Variants in DNMT3B observed in about 807,000 individuals in gnomAD.
DNMT3B encodes the protein DNA methyltransferase 3 beta.
In DNMT3B, 37 loss-of-function variants were observed where a neutral mutation model predicts 120.2. The ratio of observed to expected loss-of-function variants is 0.31; its 90% CI spans 0.24 to 0.40. The LOEUF is 0.40. DNMT3B is among the 10% of genes least tolerant of loss of function. DNMT3B has a pLI of 1.00. For missense variants in DNMT3B, 878 were observed against 1,137.3 expected (o/e 0.77, Z 3.28); for synonymous variants, 412 against 442.8 (o/e 0.93, Z 0.87).
At chr20:32,766,891 AATT>A (rs1293493611) in intron 1 of DNMT3B, among the ~76,000 whole-genome samples, 5 of 142,506 alleles carry the variant, frequency 3.5e-5, no homozygotes, top group African/African-American at 1.1e-4. Flanking sequence ...ATTTTTTTTT[AATT>A]ATTTTTATTT....
chr20:32,801,537 G>A, intron 19 of DNMT3B, 111 bp downstream of exon 19: 1 of 1,444,382 alleles, frequency 6.9e-7, no homozygotes, highest in Admixed American at 1.8e-5. Context: ...TCCCGTTCTT[G>A]GTCTGGCTAG....
In DNMT3B at chr20:32,806,257, G is replaced by A; in HGVS notation, c.2350G>A (p.Gly784Arg). The A allele has an allele frequency of 6.2e-7, 1 of 1,614,144 alleles. No individual in the cohort carries two copies. Among genetic ancestry groups the A allele is most frequent in the Non-Finnish European group, 8.5e-7 (1 of 1,180,024 alleles). Residue 784 changes from glycine to arginine, a missense_variant, in exon 22 of 23, where the codon GGG (glycine) becomes AGG (arginine). By Grantham distance (125) the Gly-to-Arg change is moderately radical (BLOSUM62 -2). Around this residue, in one of 4 missense-constraint regions of DNMT3B, gnomAD observed 334 missense variants for 518.8 expected, o/e 0.64. Coordinates refer to ENST00000328111, the MANE Select transcript of DNMT3B (RefSeq NM_006892.4). ...CACCAAGTCGAACTCGATCAAACAG[G>A]GGAAAAACCAACTTTTCCCTGTTGT... ...ITTKSNSIKQ[G>R]KNQLFPVVMN...
intron 1 of DNMT3B, among the ~76,000 whole-genome samples, chr20:32,762,923 G>T (rs1229946344): frequency 6.6e-6 from 1 of 152,070 alleles, no homozygotes; most frequent in East Asian, 1.9e-4. Context: ...GGACGCGGGG[G>T]ACATACGTCT....
intron 4 of DNMT3B, 117 bp from the exon 5 acceptor site, chr20:32,786,385 G>C: frequency 3.5e-6 from 5 of 1,437,464 alleles, no homozygotes; most frequent in South Asian, 1.2e-5. Flanking sequence ...ACTTCCAGTT[G>C]TCCTGAAGCT....
intron 11 of DNMT3B, 55 bp downstream of exon 11, chr20:32,795,589 C>G: frequency 6.2e-7 from 1 of 1,614,170 alleles, no homozygotes; most frequent in South Asian, 1.1e-5. Context: ...CGCTGCAGAT[C>G]AGGAATTGAT....
intron 3 of DNMT3B, among the ~76,000 whole-genome samples, chr20:32,782,219 G>A (rs566186436): frequency 6.6e-6 from 1 of 152,276 alleles, no homozygotes; most frequent in Admixed American, 6.5e-5. Context: ...ATTTGTAGGT[G>A]GAAGACATGA....
At chr20:32,777,580 C>G (rs1448599237) in intron 1 of DNMT3B, among the ~76,000 whole-genome samples, 1 of 152,190 alleles carries the variant, frequency 6.6e-6, no homozygotes. Flanking sequence ...GTCCTCCCCC[C>G]AGAGCACTTT....
At chr20:32,800,779 C>T in intron 17 of DNMT3B, 56 bp from the exon 18 acceptor site, 2 of 1,580,864 alleles carry the variant, frequency 1.3e-6, no homozygotes, top group Admixed American at 1.7e-5. Context: ...AGAAGTGGGT[C>T]CAGCTCTCTT....
At position 32,787,392 on chromosome 20, in the gene DNMT3B, G is replaced by T; in HGVS notation, c.595G>T (p.Gly199Cys). The change falls in exon 6 of 23, where the codon GGC (glycine) becomes TGC (cysteine). Residue 199 changes from glycine to cysteine, a missense_variant. By Grantham distance (159) the Gly-to-Cys change is radical. Coordinates refer to ENST00000328111, the MANE Select transcript of DNMT3B (RefSeq NM_006892.4). ...CCTAGCCCAGGACAGCCAGCAGGGG[G>T]GCATGGAGTCCCCGCAGGTGGAGGC... ...ARLAQDSQQG[G>C]MESPQVEADS... The T allele has an allele frequency of 6.2e-7, 1 of 1,614,214 alleles. No homozygotes were observed. Among genetic ancestry groups the T allele is most frequent in the East Asian group, 2.2e-5 (1 of 44,878 alleles).
chr20:32,781,846 G>A (rs952056968), intron 3 of DNMT3B, among the ~76,000 whole-genome samples: 2 of 152,210 alleles, frequency 1.3e-5, no homozygotes, highest in African/African-American at 4.8e-5. Flanking sequence ...CTACCTGCCT[G>A]TTAGTCACTT....
intron 22 of DNMT3B, 125 bp from the exon 23 acceptor site, chr20:32,807,637 C>G: frequency 2.1e-6 from 3 of 1,434,020 alleles, no homozygotes; most frequent in Non-Finnish European, 1.9e-6. Flanking sequence ...AATTTAGGTC[C>G]TTGGGGACCT....
rs751741367 is a variant in DNMT3B at position 32,780,448 on chromosome 20, G to A, written c.125G>A (p.Arg42His). 3.3e-5 allele frequency: 54 copies of A among 1,612,924 alleles called. No individual in the cohort carries two copies. Among genetic ancestry groups the A allele is most frequent in the Non-Finnish European group, 4.3e-5 (51 of 1,179,982 alleles). The change falls in exon 2 of 23, where the codon CGC becomes CAC. Residue 42 changes from arginine to histidine, a missense_variant. Arg to His is a conservative substitution (Grantham distance 29). Transcript: ENST00000328111. ...TCGCCCCCAATCCTGGAGGCTATCC[G>A]CACCCCGGAGATCAGAGGTGGCTGG... Reference protein sequence around the residue: ...SDSPPILEAIRTPEIRGRRSS... With the variant: ...SDSPPILEAIHTPEIRGRRSS...
At chr20:32,779,296 T>C (rs536001122) in intron 1 of DNMT3B, among the ~76,000 whole-genome samples, 1 of 152,366 alleles carries the variant, frequency 6.6e-6, no homozygotes, top group Non-Finnish European at 1.5e-5. Flanking sequence ...CTGAAGTTTT[T>C]TACTCGTTCT....
intron 1 of DNMT3B, among the ~76,000 whole-genome samples, chr20:32,773,193 A>G (rs1601056368): frequency 6.8e-6 from 1 of 148,124 alleles, no homozygotes; most frequent in South Asian, 2.2e-4. Flanking sequence ...TGCGACGTCC[A>G]CCTCCCGGGT....
Position 32,769,333 on chromosome 20 carries a change from C to T in DNMT3B, c.-7+6634C>T, listed in dbSNP as rs191953212. ...TGATCTCCTGACCTCGTGATCTGCCCGCCTCGGCCTCCCAAAGTACTGGGA... is the reference window on the plus strand; with the variant it reads ...TGATCTCCTGACCTCGTGATCTGCCTGCCTCGGCCTCCCAAAGTACTGGGA... On this transcript the variant is annotated intron_variant, in intron 1 of 22. Transcript: ENST00000328111. Among the ~76,000 whole-genome samples, 811 of 152,170 alleles carry T rather than the reference C, an allele frequency of 5.3e-3. 7 individuals are homozygous for T. Among genetic ancestry groups the T allele is most frequent in the African/African-American group, 0.019 (769 of 41,506 alleles).
intron 14 of DNMT3B, among the ~76,000 whole-genome samples, chr20:32,797,542 G>C (rs1385092577): frequency 1.3e-5 from 2 of 152,152 alleles, no homozygotes; most frequent in African/African-American, 4.8e-5. Context: ...TGTTGCCCAG[G>C]GTGTACAGTG....
At chr20:32,780,062 C>A in intron 1 of DNMT3B, 1 of 1,604,250 alleles carries the variant, frequency 6.2e-7, no homozygotes, top group Non-Finnish European at 8.5e-7. Flanking sequence ...CAGCCCTGGC[C>A]TCCCCACTCT....
rs777872995 is a variant in DNMT3B, at chr20:32,800,259, C to T, written c.1866C>T (p.Ile622=). The change falls in exon 17 of 23, where the codon ATC becomes ATT. Residue 622 remains isoleucine, a synonymous_variant. Transcript: ENST00000328111. ...GAACCGTGAAGCACGAGGGGAATAT[C>T]AAATACGTGAACGACGTGAGGAACA... ...AVGTVKHEGN[I]KYVNDVRNIT... 1 of 1,614,206 alleles carries T rather than the reference C, an allele frequency of 6.2e-7. No homozygotes were observed. Among genetic ancestry groups the T allele is most frequent in the Non-Finnish European group, 8.5e-7 (1 of 1,180,044 alleles).
chr20:32,798,008 C>T (rs2424921), intron 14 of DNMT3B, among the ~76,000 whole-genome samples: 91,152 of 151,806 alleles, frequency 0.6, 30,337 homozygotes, highest in East Asian at 0.99. Flanking sequence ...GTGTAATAAA[C>T]GCTGCCTCGG....
Sources: allele counts gnomAD v4.1 joint callset (sites outside exome capture counted in the v4.1 genomes callset), GRCh38; gene constraint gnomAD v4.1.1; regional missense constraint gnomAD v4.1.1; transcripts MANE v1.5; gene names NCBI Gene and HGNC (gene_info 2026-07-23, HGNC 2026-07-21).